PDGFA: variants seen among roughly 807,000 people sequenced by gnomAD.
PDGFA encodes platelet-derived growth factor subunit A.
PDGFA carries 9 observed loss-of-function variants against 25.6 expected under a neutral mutation model. The ratio of observed to expected loss-of-function variants is 0.35; its 90% CI spans 0.21 to 0.61. The LOEUF (loss-of-function observed/expected upper bound fraction) is 0.61, where lower values mean the gene tolerates loss of function less well. Among genes scored for constraint, PDGFA ranks in the 20% least tolerant of loss-of-function variants. The pLI is 0.75. For synonymous variants in PDGFA, 133 were observed against 111.8 expected (o/e 1.19, Z -1.20); for missense variants, 242 against 272.8 (o/e 0.89, Z 0.79).
chr7:505,074 G>A (rs1056486738), intron 4 of PDGFA, among the ~76,000 whole-genome samples: 7 of 152,346 alleles, frequency 4.6e-5, no homozygotes, highest in Admixed American at 6.5e-5. Context: ...GGGCCGTTCC[G>A]CCACCTCTGT....
At chr7:508,038 G>A (rs1782637574) in intron 4 of PDGFA, among the ~76,000 whole-genome samples, 1 of 152,108 alleles carries the variant, frequency 6.6e-6, no homozygotes, top group Non-Finnish European at 1.5e-5. Context: ...TCAATACCCA[G>A]CACCTCAGAG....
rs1182996796 is a variant in PDGFA at position 518,917 on chromosome 7, G to T, written c.63+22C>A. ...GCGCCGGAGGAGCCGGCGCAGGGAC[G>T]GGGCGCGGGGGCGGCACCAACCTCG... is the stretch of plus-strand genomic sequence containing the variant. On this transcript the variant is annotated intron_variant, in intron 1 of 5. Transcript: ENST00000402802. The T allele has an allele frequency of 6.7e-6, 10 of 1,495,558 alleles. No individual in the cohort carries two copies. In the African/African-American group the frequency reaches 1.3e-4, roughly 19 times the overall value. The allele number at this position is 1,495,558 out of a possible 1,614,324, so 92.6% of individuals were successfully genotyped here.
At chr7:498,986 A>G (rs748102321) in intron 5 of PDGFA, among the ~76,000 whole-genome samples, 4 of 152,238 alleles carry the variant, frequency 2.6e-5, no homozygotes, top group African/African-American at 4.8e-5. Context: ...GCCAGACAGA[A>G]GAGTCTGCAC....
At position 500,786 on chromosome 7, in the gene PDGFA, G is replaced by A. The variant is rs1486703896; in HGVS notation, c.580+330C>T. ...CTGCTCCTCCCGCCCACCCTGGCAG[G>A]AGGCCCTTCTGCAGATTCTTCTCAG... On this transcript the variant is annotated intron_variant, in intron 5 of 5. Coordinates refer to ENST00000402802, the Ensembl canonical transcript of PDGFA. The surrounding 1 kb of genome is among the most constrained non-coding windows in gnomAD (Gnocchi z 5.0). 9.7e-6 allele frequency: 14 copies of A among 1,443,674 alleles called. No individual in the cohort carries two copies. Among genetic ancestry groups the A allele is most frequent in the South Asian group, 1.4e-5 (1 of 70,558 alleles). The allele number at this position is 1,443,674 out of a possible 1,614,324, so 89.4% of individuals were successfully genotyped here.
rs370495510 is a variant in PDGFA at position 501,131 on chromosome 7, G to A, written c.565C>T (p.Arg189Trp). Residue 189 changes from arginine to tryptophan, a missense_variant, in exon 5 of 6, where the codon CGG becomes TGG. By Grantham distance (101) the Arg-to-Trp change is moderately radical. Coordinates refer to ENST00000402802, the Ensembl canonical transcript of PDGFA. The stretch of plus-strand genomic sequence containing the variant: ...AGCCACTCACCCGTGTCCTCTTCCC[G>A]ATAATCCGGATTCAGGCTTGTGGTC... 89 of 1,614,060 alleles carry A rather than the reference G, an allele frequency of 5.5e-5. No individual in the cohort carries two copies. Among genetic ancestry groups the A allele is most frequent in the East Asian group, 4.2e-4 (19 of 44,896 alleles).
At chr7:502,830 G>A (rs1241563707) in intron 4 of PDGFA, among the ~76,000 whole-genome samples, 1 of 145,424 alleles carries the variant, frequency 6.9e-6, no homozygotes, top group Admixed American at 6.8e-5. Context: ...TATAGGCCCT[G>A]TCACGGGAAC....
intron 2 of PDGFA, 43 bp from the exon 3 acceptor site, chr7:512,498 C>T (rs778625596): frequency 3.7e-6 from 6 of 1,612,376 alleles, no homozygotes; most frequent in East Asian, 2.2e-5. Context: ...CAGGCCCGTG[C>T]GCTGTGCCCT....
intron 4 of PDGFA, among the ~76,000 whole-genome samples, chr7:505,507 G>A (rs1282222883): frequency 6.6e-6 from 1 of 152,202 alleles, no homozygotes; most frequent in Non-Finnish European, 1.5e-5. Flanking sequence ...GCTTGGGACA[G>A]CCACTCCCTG....
At position 502,690 on chromosome 7, in the gene PDGFA, C is replaced by CG. The variant is rs540058011; in HGVS notation, c.454-1449dup. Among the ~76,000 whole-genome samples the CG allele has an allele frequency of 2.0e-5, 3 of 152,104 alleles. No homozygotes were observed. In the South Asian group the frequency reaches 6.2e-4, roughly 32 times the overall value. On this transcript the variant is annotated intron_variant, in intron 4 of 5. Coordinates refer to ENST00000402802, the Ensembl canonical transcript of PDGFA. Reference sequence around the variant, plus strand: ...GGTCCTGCCTCCACAGCCCCTTCCCCGGGGAGCTGCAGGCAGACAATGGCC... The same window carrying CG: ...GGTCCTGCCTCCACAGCCCCTTCCCCGGGGGAGCTGCAGGCAGACAATGGCC...
intron 4 of PDGFA, among the ~76,000 whole-genome samples, chr7:504,398 T>A (rs1782474362): frequency 6.6e-6 from 1 of 151,908 alleles, no homozygotes; most frequent in South Asian, 2.1e-4. Context: ...TCCTCAGCCC[T>A]CCCTGAGTCA....
At chr7:503,864 T>C (rs906260052) in intron 4 of PDGFA, among the ~76,000 whole-genome samples, 15 of 151,518 alleles carry the variant, frequency 9.9e-5, no homozygotes, top group Admixed American at 2.6e-4. Context: ...GCCTGGGAGG[T>C]TTCGCTACGT....
intron 4 of PDGFA, among the ~76,000 whole-genome samples, chr7:510,310 G>C (rs1782741631): frequency 6.6e-6 from 1 of 151,956 alleles, no homozygotes; most frequent in African/African-American, 2.4e-5. Context: ...AGGGAGATGG[G>C]AGCGCAGCCG....
Position 517,679 on chromosome 7 carries a change from G to C in PDGFA, c.64-189C>G, listed in dbSNP as rs1158367411. On this transcript the variant is annotated intron_variant, in intron 1 of 5. Transcript: ENST00000402802. The surrounding 1 kb of genome is among the most constrained non-coding windows in gnomAD (Gnocchi z 7.4). ...AGAAGCCGGGGGTGGGGCTGGAAGA[G>C]ACCCCAAATTCTCCACCCGCATCCA... is the stretch of plus-strand genomic sequence containing the variant. 6.6e-6 allele frequency among the ~76,000 whole-genome samples: 1 copy of C among 151,396 alleles called. No individual in the cohort carries two copies. Among genetic ancestry groups the C allele is most frequent in the African/African-American group, 2.4e-5 (1 of 41,254 alleles).
At chr7:498,255 T>C (rs906232829) in exon 6 of PDGFA, 2 of 435,748 alleles carry the variant, frequency 4.6e-6, no homozygotes, top group Non-Finnish European at 8.4e-6. Context: ...CTCCATCTCA[T>C]CGAGTTTAGA....
exon 1 of PDGFA, chr7:519,064 G>A: frequency 7.5e-7 from 1 of 1,331,498 alleles, no homozygotes; most frequent in Non-Finnish European, 1.0e-6. Context: ...GCTCCAGCCG[G>A]TCTCCTGTGG....
chr7:517,421 G>T lies in PDGFA; in HGVS notation c.133C>A (p.Gln45Lys). ...ACGGAGTCTATCTCCAGGAGTCGCT[G>T]GAGGTCCCGGATGCTGTGGATCTGA... Residue 45 changes from glutamine to lysine, a missense_variant, in exon 2 of 6, where the codon CAG becomes AAG. Gln to Lys is a moderately conservative substitution (Grantham distance 53). Transcript: ENST00000402802. The surrounding 1 kb of genome is among the most constrained non-coding windows in gnomAD (Gnocchi z 7.4). The T allele has an allele frequency of 7.2e-7, 1 of 1,391,280 alleles. No homozygotes were observed. 86.2% of individuals were successfully genotyped at this position (1,391,280 alleles called of 1,614,324 possible).
At position 517,490 on chromosome 7, in the gene PDGFA, C is replaced by A; in HGVS notation, c.64G>T (p.Glu22Ter). The change falls in exon 2 of 6, where the codon GAA becomes TAA. Residue 22 changes from glutamate (E) to a stop codon, truncating the protein, a stop_gained and splice_region_variant. Coordinates refer to ENST00000402802, the Ensembl canonical transcript of PDGFA. LOFTEE classifies it high-confidence loss of function. This position sits in a 1 kb window ranked among gnomAD's most constrained non-coding sequence, Gnocchi z 7.4. Reference sequence around the variant, plus strand: ...ATCACCTCGCGGGGGATCTCGGCTTCCTGCAAGCAGAGGCCACACGGTCAG... The same window carrying A: ...ATCACCTCGCGGGGGATCTCGGCTTACTGCAAGCAGAGGCCACACGGTCAG... 1 of 1,314,034 alleles carries A rather than the reference C, an allele frequency of 7.6e-7. No homozygotes were observed. The allele number at this position is 1,314,034 out of a possible 1,614,324, so 81.4% of individuals were successfully genotyped here. A position where few individuals can be genotyped will look rare whatever the true frequency, so the allele number is the denominator to read the frequency against.
chr7:504,589 T>C (rs1036562072), intron 4 of PDGFA, among the ~76,000 whole-genome samples: 5 of 151,788 alleles, frequency 3.3e-5, no homozygotes, highest in Non-Finnish European at 5.9e-5. Flanking sequence ...GAAGCACCCA[T>C]ACTCTGCTGC....
intron 4 of PDGFA, among the ~76,000 whole-genome samples, chr7:504,742 T>A (rs912219474): frequency 6.6e-6 from 1 of 152,234 alleles, no homozygotes; most frequent in African/African-American, 2.4e-5. Context: ...CACAGCCTCT[T>A]TGGTCAACAA....
Sources: gnomAD v4.1 joint callset for allele counts (sites outside exome capture counted in the v4.1 genomes callset) on GRCh38, gnomAD v4.1.1 for gene constraint, Gnocchi (gnomAD v3.1) non-coding constraint, MANE v1.5 for transcripts, NCBI Gene and HGNC (gene_info 2026-07-23, HGNC 2026-07-21) for gene names.